The following PTPDC1 variants were observed in gnomAD, a reference collection of about 807,000 sequenced individuals.
The protein encoded by PTPDC1 is protein tyrosine phosphatase domain containing 1, also known as protein tyrosine phosphatase domain-containing protein 1.
Under a neutral mutation model 75.3 loss-of-function variants are expected in PTPDC1, and 53 were observed. That is an observed-to-expected ratio of 0.70 (90% CI 0.56 to 0.88). PTPDC1 has a LOEUF of 0.88. PTPDC1 is among the 40% of genes least tolerant of loss of function. The pLI, the probability that PTPDC1 is intolerant of heterozygous loss-of-function variation, is 0.00. For missense variants in PTPDC1, 925 were observed against 998.6 expected (o/e 0.93, Z 0.99); for synonymous variants, 349 against 366.2 (o/e 0.95, Z 0.54).
chr9:94,082,411 A>C (rs534972179), upstream of PTPDC1, among the ~76,000 whole-genome samples: 1 of 152,338 alleles, frequency 6.6e-6, no homozygotes, highest in Admixed American at 6.5e-5. Flanking sequence ...TCTAGATCTC[A>C]CTTTTCAGTG....
intron 1 of PTPDC1, among the ~76,000 whole-genome samples, chr9:94,041,333 T>C (rs7030026): frequency 0.013 from 2,006 of 152,292 alleles, 47 homozygotes; most frequent in African/African-American, 0.045. Context: ...GATGCTGCCG[T>C]TTAGATAGTT....
intron 2 of PTPDC1, among the ~76,000 whole-genome samples, chr9:94,072,580 TCACA>T (rs1826548061): frequency 6.6e-6 from 1 of 151,910 alleles, no homozygotes; most frequent in Admixed American, 6.6e-5. Context: ...AGAATAAGAG[TCACA>T]AGAGCAGAGT....
At chr9:94,036,203 T>C (rs1336061896) in intron 1 of PTPDC1, among the ~76,000 whole-genome samples, 1 of 152,108 alleles carries the variant, frequency 6.6e-6, no homozygotes, top group Non-Finnish European at 1.5e-5. Flanking sequence ...GTAGACCTTT[T>C]TTATTTTTGC....
chr9:94,084,572 C>T lies in PTPDC1; in HGVS notation c.42C>T (p.Arg14=). Residue 14 remains arginine (R), a synonymous_variant, in exon 1 of 9, where the codon CGC becomes CGT. Transcript: ENST00000620992. The stretch of plus-strand genomic sequence containing the variant: ...CAACCAGGCGGCCCTCAGCCGTGCG[C>T]TTCCTCAGCTCCTTTCTCCAGGGCC... ...QDATRRPSAV[R]FLSSFLQGRR... 6.2e-7 allele frequency: 1 copy of T among 1,613,590 alleles called. No individual in the cohort carries two copies. The highest frequency in any genetic ancestry group is 1.7e-5 in the Admixed American group (1 of 60,024).
intron 1 of PTPDC1, among the ~76,000 whole-genome samples, chr9:94,036,581 A>T (rs2118386448): frequency 6.6e-6 from 1 of 152,222 alleles, no homozygotes; most frequent in African/African-American, 2.4e-5. Flanking sequence ...AAACCTTGTG[A>T]TATTAACCCG....
At chr9:94,043,908 GAA>G (rs1825508941) in intron 1 of PTPDC1, among the ~76,000 whole-genome samples, 1 of 152,084 alleles carries the variant, frequency 6.6e-6, no homozygotes. Context: ...ATCATTTGTT[GAA>G]AAAACTTTTC....
intron 1 of PTPDC1, 94 bp from the exon 2 acceptor site, chr9:94,085,157 T>C (rs1222218233): frequency 9.8e-6 from 11 of 1,125,140 alleles, no homozygotes; most frequent in Non-Finnish European, 1.3e-5. Flanking sequence ...TGGCTTGTCA[T>C]CTACCATCCT....
intron 4 of PTPDC1, among the ~76,000 whole-genome samples, chr9:94,092,372 G>C (rs1442735386): frequency 1.4e-5 from 2 of 143,918 alleles, no homozygotes; most frequent in Admixed American, 1.4e-4. Context: ...AGGTTGTTCA[G>C]TTTCCATGTA....
At position 94,108,118 on chromosome 9, in the gene PTPDC1, T is replaced by C. The variant is rs1587920627; in HGVS notation, c.*174T>C. On this transcript the variant is annotated 3_prime_UTR_variant, in exon 9 of 9. Transcript: ENST00000620992. Reference sequence around the variant, plus strand: ...TGAACCAATTATTTATTTTAAAATATATTTAAGCTACATTTTTGTTTTGAA... The same window carrying C: ...TGAACCAATTATTTATTTTAAAATACATTTAAGCTACATTTTTGTTTTGAA... 2.6e-6 allele frequency: 1 copy of C among 381,948 alleles called. No individual in the cohort carries two copies. Among genetic ancestry groups the C allele is most frequent in the East Asian group, 4.0e-5 (1 of 25,142 alleles). The allele number at this position is 381,948 out of a possible 1,614,324, so 23.7% of individuals were successfully genotyped here. A position where few individuals can be genotyped will look rare whatever the true frequency, so the allele number is the denominator to read the frequency against.
chr9:94,075,396 T>C (rs1358337559), intron 2 of PTPDC1, among the ~76,000 whole-genome samples: 2 of 152,204 alleles, frequency 1.3e-5, no homozygotes, highest in East Asian at 3.8e-4. Context: ...CAGCTCCCTC[T>C]CCATCCTCTC....
upstream of PTPDC1, among the ~76,000 whole-genome samples, chr9:94,080,603 G>A (rs1358837119): frequency 6.6e-6 from 1 of 152,158 alleles, no homozygotes; most frequent in Admixed American, 6.5e-5. Flanking sequence ...GGGCTTCCGA[G>A]TCTAATCATG....
chr9:94,091,501 A>C (rs1272308836), intron 4 of PTPDC1, among the ~76,000 whole-genome samples: 1 of 151,950 alleles, frequency 6.6e-6, no homozygotes, highest in Non-Finnish European at 1.5e-5. Flanking sequence ...TTTACTGAGG[A>C]TTTTTGCATC....
intron 8 of PTPDC1, among the ~76,000 whole-genome samples, chr9:94,107,027 C>T (rs1587919262): frequency 6.6e-6 from 1 of 152,198 alleles, no homozygotes; most frequent in East Asian, 1.9e-4. Flanking sequence ...AATCTCAGCT[C>T]ACTGCATCCT....
chr9:94,036,608 A>G (rs1303082596), intron 1 of PTPDC1, among the ~76,000 whole-genome samples: 2 of 152,172 alleles, frequency 1.3e-5, no homozygotes, highest in African/African-American at 4.8e-5. Context: ...TTTGAGTGAT[A>G]AGTTCCACCA....
At chr9:94,073,120 C>G (rs1826571107) in intron 2 of PTPDC1, among the ~76,000 whole-genome samples, 1 of 152,166 alleles carries the variant, frequency 6.6e-6, no homozygotes, top group Non-Finnish European at 1.5e-5. Context: ...TGTTCGGTAG[C>G]ATTCTCCAGT....
intron 2 of PTPDC1, among the ~76,000 whole-genome samples, chr9:94,069,425 A>G (rs561534993): frequency 6.6e-6 from 1 of 152,260 alleles, no homozygotes; most frequent in Non-Finnish European, 1.5e-5. Flanking sequence ...ATATAAGTGG[A>G]CCAGCTCAGT....
At chr9:94,082,109 C>T (rs926997438), upstream of PTPDC1, among the ~76,000 whole-genome samples, 1 of 152,170 alleles carries the variant, frequency 6.6e-6, no homozygotes, top group Non-Finnish European at 1.5e-5. Context: ...AGATTCCCAT[C>T]TCTAAAGAAG....
rs1827694901 is a variant in PTPDC1, at chr9:94,098,311, A to T, written c.1745A>T (p.Lys582Ile). The T allele has an allele frequency of 1.2e-6, 2 of 1,614,170 alleles. No homozygotes were observed. Among genetic ancestry groups the T allele is most frequent in the African/African-American group, 2.7e-5 (2 of 75,046 alleles). ...CAGCAAGTGTCTCACTGTCAGTGTA[A>T]AACTCATGGTGTTGGGAGCCCTGGC... ...AHQQVSHCQC[K>I]THGVGSPGSV... Residue 582 changes from lysine to isoleucine, a missense_variant, in exon 6 of 9, where the codon AAA (lysine) becomes ATA (isoleucine). Physicochemically the swap from Lys to Ile is moderately radical, Grantham distance 102. Coordinates refer to ENST00000620992, the MANE Select transcript of PTPDC1 (RefSeq NM_001253829.2).
At chr9:94,061,912 C>T (rs1457159097) in intron 1 of PTPDC1, among the ~76,000 whole-genome samples, 1 of 152,210 alleles carries the variant, frequency 6.6e-6, no homozygotes, top group Non-Finnish European at 1.5e-5. Flanking sequence ...CCTTCCTTTT[C>T]GTTGTGCAAA....
Sources: allele counts gnomAD v4.1 joint callset (sites outside exome capture counted in the v4.1 genomes callset), GRCh38; gene constraint gnomAD v4.1.1; transcripts MANE v1.5; gene names NCBI Gene and HGNC (gene_info 2026-07-23, HGNC 2026-07-21).